The following FGF13 variants were observed in gnomAD, a reference collection of about 807,000 sequenced individuals.
The protein encoded by FGF13 is fibroblast growth factor homologous factor 2.
Under a neutral mutation model 19.5 loss-of-function variants are expected in FGF13, and 2 were observed. The ratio of observed to expected loss-of-function variants is 0.10; its 90% CI spans 0.04 to 0.32. The LOEUF (loss-of-function observed/expected upper bound fraction) is 0.32. FGF13 is among the 10% of genes least tolerant of loss of function. The pLI is 1.00. For synonymous variants in FGF13, 72 were observed against 76.9 expected (o/e 0.94, Z 0.33); for missense variants, 113 against 192.7 (o/e 0.59, Z 2.45).
At chrX:139,007,264 A>G (rs2092106164) in intron 1 of FGF13, among the ~76,000 whole-genome samples, 1 of 111,935 alleles carries the variant, frequency 8.9e-6, no homozygotes, top group African/African-American at 3.2e-5. Flanking sequence ...AAGTCACTGT[A>G]TAATGATAAA....
At chrX:139,167,518 G>A (rs1211119847) in intron 1 of FGF13, among the ~76,000 whole-genome samples, 1 of 111,751 alleles carries the variant, frequency 8.9e-6, no homozygotes, top group Non-Finnish European at 1.9e-5. Context: ...ATCTCACTCA[G>A]TGATGTGGTA....
chrX:138,943,236 C>A (rs201909079), intron 1 of FGF13, among the ~76,000 whole-genome samples: 1 of 112,239 alleles, frequency 8.9e-6, no homozygotes, highest in East Asian at 2.8e-4. Flanking sequence ...TCCCACTGCC[C>A]ATGGTCTGTG....
rs1218158556 is a variant in FGF13 at position 138,620,689 on chromosome X, G to A, written c.*12161C>T. The A allele has an allele frequency of 4.5e-5, 5 of 111,559 alleles. No homozygotes were observed. Among genetic ancestry groups the A allele is most frequent in the African/African-American group, 1.6e-4 (5 of 30,786 alleles). The allele number at this position is 111,559 out of a possible 1,213,427, so 9.2% of individuals were successfully genotyped here. A position where few individuals can be genotyped will look rare whatever the true frequency, so the allele number is the denominator to read the frequency against. On this transcript the variant is annotated 3_prime_UTR_variant, in exon 5 of 5. Transcript: ENST00000315930. ...AAATTCTCTAATCAAAAGACAGTGA[G>A]TGGCTGAATGGATGAAAAAGGAAGA... is the stretch of plus-strand genomic sequence containing the variant.
At chrX:139,014,953 G>A (rs2092146770) in intron 1 of FGF13, among the ~76,000 whole-genome samples, 1 of 111,307 alleles carries the variant, frequency 9.0e-6, no homozygotes, top group Non-Finnish European at 1.9e-5. Flanking sequence ...TCAACAGAAT[G>A]AAAGACAAAA....
rs766303524 is a variant in FGF13, at chrX:138,890,346, C to A, written c.-112-25696G>T. 1.8e-3 allele frequency among the ~76,000 whole-genome samples: 206 copies of A among 111,818 alleles called. 2 individuals are homozygous for A. Among genetic ancestry groups the A allele is most frequent in the African/African-American group, 6.5e-3 (199 of 30,798 alleles). ...ATGTGGCAAGTACAGTGCCGAGTTACATATAAGATAGTGATAGTGCTTCTC... is the reference window on the plus strand; with the variant it reads ...ATGTGGCAAGTACAGTGCCGAGTTAAATATAAGATAGTGATAGTGCTTCTC... On this transcript the variant is annotated intron_variant, in intron 1 of 2. Coordinates refer to the FGF13 transcript ENST00000421460.
chrX:139,176,501 G>T (rs2084186618), intron 1 of FGF13, among the ~76,000 whole-genome samples: 2 of 105,641 alleles, frequency 1.9e-5, no homozygotes. Context: ...TCTTTTAATT[G>T]TAATGTTAGG....
At position 139,203,039 on chromosome X, in the gene FGF13, G is replaced by T. The variant is rs764554858; in HGVS notation, c.-113+377C>A. 1.4e-4 allele frequency among the ~76,000 whole-genome samples: 16 copies of T among 112,489 alleles called. No individual in the cohort carries two copies. In the East Asian group the frequency reaches 4.6e-3, roughly 32 times the overall value. ...TCTCCGCACCCCGGTCTCCAAGGCT[G>T]CTGTCTCCAGTTTACATTCTGGAGC... is the stretch of plus-strand genomic sequence containing the variant. On this transcript the variant is annotated intron_variant, in intron 1 of 2. Coordinates refer to the FGF13 transcript ENST00000421460.
chrX:138,877,065 G>A (rs987479574), intron 1 of FGF13, among the ~76,000 whole-genome samples: 1 of 111,620 alleles, frequency 9.0e-6, no homozygotes, highest in Non-Finnish European at 1.9e-5. Flanking sequence ...GTTGAACAAT[G>A]AGAACACATG....
At chrX:138,705,350 A>C (rs2089983906) in intron 2 of FGF13, among the ~76,000 whole-genome samples, 1 of 111,429 alleles carries the variant, frequency 9.0e-6, no homozygotes, top group African/African-American at 3.3e-5. Flanking sequence ...TTCTCCAATC[A>C]CTCTGACTCA....
At chrX:138,776,904 T>C (rs1302158028) in intron 3 of FGF13, among the ~76,000 whole-genome samples, 1 of 111,628 alleles carries the variant, frequency 9.0e-6, no homozygotes, top group Non-Finnish European at 1.9e-5. Context: ...CTGCCCAAAG[T>C]ATTAATACAA....
chrX:138,877,078 C>T (rs1216087434), intron 1 of FGF13, among the ~76,000 whole-genome samples: 1 of 111,492 alleles, frequency 9.0e-6, no homozygotes, highest in African/African-American at 3.3e-5. Flanking sequence ...AACACATGGA[C>T]ACCAGGTGGG....
chrX:138,849,177 A>G lies in FGF13; in HGVS notation c.217+8335T>C, dbSNP rs754483734. On this transcript the variant is annotated intron_variant, in intron 3 of 6. Coordinates refer to the FGF13 transcript ENST00000436198. Reference sequence around the variant, plus strand: ...TACTTGGAAGATGTTCATCTGTATTATCAGTAAAAGGGTCCAGTAGCTAGA... The same window carrying G: ...TACTTGGAAGATGTTCATCTGTATTGTCAGTAAAAGGGTCCAGTAGCTAGA... Among the ~76,000 whole-genome samples the G allele has an allele frequency of 5.3e-4, 59 of 111,639 alleles. No homozygotes were observed. In the Middle Eastern group the frequency reaches 0.014, roughly 26 times the overall value.
chrX:139,056,617 T>C (rs904237469), intron 1 of FGF13, among the ~76,000 whole-genome samples: 14 of 112,506 alleles, frequency 1.2e-4, no homozygotes, highest in Non-Finnish European at 2.6e-4. Flanking sequence ...TTTTAAAAGA[T>C]TTCCTTCTTT....
intron 1 of FGF13, among the ~76,000 whole-genome samples, chrX:139,140,141 A>G (rs2083831853): frequency 9.0e-6 from 1 of 111,417 alleles, no homozygotes; most frequent in East Asian, 2.8e-4. Context: ...CCTGGGTCAA[A>G]CATCTGAAAT....
intron 1 of FGF13, among the ~76,000 whole-genome samples, chrX:138,947,564 T>C (rs1353744949): frequency 4.5e-5 from 5 of 112,121 alleles, no homozygotes; most frequent in Non-Finnish European, 9.4e-5. Context: ...ACTTCCATGA[T>C]TCTTTTGCCT....
At chrX:138,989,960 T>G (rs2092008846) in intron 1 of FGF13, among the ~76,000 whole-genome samples, 1 of 111,701 alleles carries the variant, frequency 9.0e-6, no homozygotes. Flanking sequence ...AGTGAAGACT[T>G]AGTATAAATT....
intron 1 of FGF13, among the ~76,000 whole-genome samples, chrX:139,105,344 A>AT (rs769749345): frequency 3.6e-5 from 4 of 110,416 alleles, no homozygotes; most frequent in Non-Finnish European, 5.7e-5. Flanking sequence ...AACTCAGGGA[A>AT]TTTTTTTTTC....
intron 3 of FGF13, among the ~76,000 whole-genome samples, chrX:138,688,609 A>G (rs917477979): frequency 2.7e-5 from 3 of 110,329 alleles, no homozygotes; most frequent in Non-Finnish European, 5.7e-5. Flanking sequence ...CAATTATTAC[A>G]TATCAGTAAA....
At chrX:138,811,029 C>T (rs1209589524) in intron 3 of FGF13, among the ~76,000 whole-genome samples, 5 of 112,300 alleles carry the variant, frequency 4.5e-5, no homozygotes, top group African/African-American at 1.6e-4. Context: ...TTGTGGAAGA[C>T]AGTGTGGCGA....
Sources: allele counts gnomAD v4.1 joint callset (sites outside exome capture counted in the v4.1 genomes callset), GRCh38; gene constraint gnomAD v4.1.1; transcripts MANE v1.5; gene names NCBI Gene and HGNC (gene_info 2026-07-23, HGNC 2026-07-21).